Variants in HS6ST3 observed in about 807,000 individuals in gnomAD.
HS6ST3 encodes the protein heparan sulfate 6-O-sulfotransferase 3, also known as heparan-sulfate 6-O-sulfotransferase 3.
A neutral mutation model predicts 36.7 loss-of-function variants in HS6ST3; 12 were observed. That is an observed-to-expected ratio of 0.33 (90% CI 0.21 to 0.53). The LOEUF (loss-of-function observed/expected upper bound fraction) is 0.53. Among genes scored for constraint, HS6ST3 ranks in the 20% least tolerant of loss-of-function variants. The pLI, the probability that HS6ST3 is intolerant of heterozygous loss-of-function variation, is 0.95. For synonymous variants in HS6ST3, 240 were observed against 257.5 expected (o/e 0.93, Z 0.65); for missense variants, 584 against 640.9 (o/e 0.91, Z 0.96).
chr13:96,736,882 C>T (rs1305794142), intron 1 of HS6ST3, among the ~76,000 whole-genome samples: 8 of 152,064 alleles, frequency 5.3e-5, no homozygotes, highest in Non-Finnish European at 1.2e-4. Flanking sequence ...AATCAAAACC[C>T]AAACTGTAAT....
chr13:96,591,701 C>G (rs1022518162), intron 1 of HS6ST3, among the ~76,000 whole-genome samples: 1 of 152,006 alleles, frequency 6.6e-6, no homozygotes, highest in African/African-American at 2.4e-5. Context: ...TTTCTCTTGT[C>G]CGATTGCTCT....
At chr13:96,432,624 A>G (rs1235936180) in intron 1 of HS6ST3, among the ~76,000 whole-genome samples, 1 of 152,224 alleles carries the variant, frequency 6.6e-6, no homozygotes, top group Non-Finnish European at 1.5e-5. Context: ...GCTAGAAAAT[A>G]AAAGTTTCAC....
intron 1 of HS6ST3, among the ~76,000 whole-genome samples, chr13:96,793,561 G>A (rs182122027): frequency 4.9e-4 from 74 of 152,186 alleles, no homozygotes; most frequent in African/African-American, 1.5e-3. Context: ...AAGGAGGGTT[G>A]GTGAGTGGTG....
chr13:96,342,453 C>T (rs576373957), intron 1 of HS6ST3, among the ~76,000 whole-genome samples: 21 of 152,292 alleles, frequency 1.4e-4, no homozygotes, highest in African/African-American at 5.1e-4. Flanking sequence ...CATAGAGTTC[C>T]CCCGAAGCAT....
intron 1 of HS6ST3, among the ~76,000 whole-genome samples, chr13:96,305,914 T>TG (rs2054910344): frequency 6.6e-6 from 1 of 150,742 alleles, no homozygotes; most frequent in African/African-American, 2.4e-5. Flanking sequence ...GTACCAGATT[T>TG]CCTTTCTTTC....
At chr13:96,165,423 T>TA (rs2054155748) in intron 1 of HS6ST3, among the ~76,000 whole-genome samples, 2 of 152,224 alleles carry the variant, frequency 1.3e-5, no homozygotes, top group Non-Finnish European at 2.9e-5. Context: ...GGCAGGCTTC[T>TA]AGGAGACAAC....
intron 1 of HS6ST3, among the ~76,000 whole-genome samples, chr13:96,641,327 G>T (rs1281652565): frequency 6.6e-6 from 1 of 151,798 alleles, no homozygotes; most frequent in African/African-American, 2.4e-5. Flanking sequence ...GAACTGTATT[G>T]CTGTATAGAA....
At chr13:96,757,208 C>T (rs1406224446) in intron 1 of HS6ST3, among the ~76,000 whole-genome samples, 1 of 152,176 alleles carries the variant, frequency 6.6e-6, no homozygotes, top group Non-Finnish European at 1.5e-5. Flanking sequence ...GCACCCTTCA[C>T]CAGTCATATA....
chr13:96,479,870 T>A (rs1261092128), intron 1 of HS6ST3, among the ~76,000 whole-genome samples: 1 of 152,146 alleles, frequency 6.6e-6, no homozygotes, highest in African/African-American at 2.4e-5. Flanking sequence ...GGAGAACTCC[T>A]CAGCAAACAC....
intron 1 of HS6ST3, among the ~76,000 whole-genome samples, chr13:96,352,485 C>T (rs958730132): frequency 1.3e-5 from 2 of 152,178 alleles, no homozygotes; most frequent in South Asian, 2.1e-4. Flanking sequence ...TTCCCCAGAG[C>T]ACGCGATCCA....
intron 1 of HS6ST3, among the ~76,000 whole-genome samples, chr13:96,809,306 G>C (rs1878266232): frequency 6.6e-6 from 1 of 152,160 alleles, no homozygotes; most frequent in African/African-American, 2.4e-5. Flanking sequence ...CCCCAGAAAA[G>C]ATTCAGGCTA....
intron 1 of HS6ST3, among the ~76,000 whole-genome samples, chr13:96,787,125 GT>G (rs1455928408): frequency 6.6e-6 from 1 of 152,138 alleles, no homozygotes; most frequent in African/African-American, 2.4e-5. Context: ...CTATTCACCT[GT>G]TGGGGGAGAT....
intron 1 of HS6ST3, among the ~76,000 whole-genome samples, chr13:96,378,424 G>A (rs1330976119): frequency 3.3e-5 from 5 of 152,110 alleles, no homozygotes; most frequent in African/African-American, 9.7e-5. Context: ...AGAACTCTTC[G>A]TGCATGTAGG....
chr13:96,400,646 G>A (rs1295827440), intron 1 of HS6ST3, among the ~76,000 whole-genome samples: 2 of 152,100 alleles, frequency 1.3e-5, no homozygotes, highest in Non-Finnish European at 2.9e-5. Context: ...TGAAGCCACA[G>A]GAGAGGAGTG....
At chr13:96,176,295 T>TCATG (rs1257563952) in intron 1 of HS6ST3, among the ~76,000 whole-genome samples, 1 of 152,186 alleles carries the variant, frequency 6.6e-6, no homozygotes, top group Non-Finnish European at 1.5e-5. Context: ...CTGAGGTGTG[T>TCATG]CATGCGTTTC....
chr13:96,443,073 G>A (rs1328170273), intron 1 of HS6ST3, among the ~76,000 whole-genome samples: 1 of 152,014 alleles, frequency 6.6e-6, no homozygotes, highest in African/African-American at 2.4e-5. Flanking sequence ...ATTTAAAATA[G>A]CAGACTAAAA....
chr13:96,171,651 A>G (rs1274380460), intron 1 of HS6ST3, among the ~76,000 whole-genome samples: 1 of 152,222 alleles, frequency 6.6e-6, no homozygotes, highest in Non-Finnish European at 1.5e-5. Flanking sequence ...TCATCAGTTC[A>G]TGGAGCCCTG....
At chr13:96,534,304 T>C (rs1594801558) in intron 1 of HS6ST3, among the ~76,000 whole-genome samples, 1 of 152,252 alleles carries the variant, frequency 6.6e-6, no homozygotes, top group African/African-American at 2.4e-5. Context: ...ATCTCTTTTC[T>C]AATGTAATCC....
chr13:96,268,327 G>A (rs1285009470), intron 1 of HS6ST3, among the ~76,000 whole-genome samples: 1 of 151,960 alleles, frequency 6.6e-6, no homozygotes, highest in African/African-American at 2.4e-5. Flanking sequence ...AATCACGGCA[G>A]GGGAAGCAAA....
Sources: gnomAD v4.1 joint callset for allele counts (sites outside exome capture counted in the v4.1 genomes callset) on GRCh38, gnomAD v4.1.1 for gene constraint, MANE v1.5 for transcripts, NCBI Gene and HGNC (gene_info 2026-07-23, HGNC 2026-07-21) for gene names.